NFIB: variants seen among roughly 807,000 people sequenced by gnomAD.
NFIB encodes nuclear factor 1 B-type.
In NFIB, 11 loss-of-function variants were observed where a neutral mutation model predicts 61.5. That is an observed-to-expected ratio of 0.18 (90% confidence interval 0.11 to 0.30). NFIB has a LOEUF of 0.30. Among genes scored for constraint, NFIB ranks in the 10% least tolerant of loss-of-function variants. The pLI is 1.00. For missense variants in NFIB, 471 were observed against 608.9 expected (o/e 0.77, Z 2.38); for synonymous variants, 260 against 216.5 (o/e 1.20, Z -1.76).
At chr9:14,352,820 T>C (rs2061129615) in intron 1 of NFIB, among the ~76,000 whole-genome samples, 1 of 152,264 alleles carries the variant, frequency 6.6e-6, no homozygotes, top group Non-Finnish European at 1.5e-5. Context: ...GGAAGGACCC[T>C]GTAGCCTTTC....
At chr9:14,291,923 T>C (rs1403379200) in intron 2 of NFIB, among the ~76,000 whole-genome samples, 3 of 152,276 alleles carry the variant, frequency 2.0e-5, no homozygotes, top group South Asian at 2.1e-4. Context: ...ATTTTGGTAT[T>C]AGTTGAGTGC....
chr9:14,486,340 C>A, the NFIB span, among the ~76,000 whole-genome samples: 1 of 152,098 alleles, frequency 6.6e-6, no homozygotes, highest in Non-Finnish European at 1.5e-5. Flanking sequence ...TAGTCCATGT[C>A]ATCAACGGAG....
chr9:14,170,665 T>A (rs537662218), intron 3 of NFIB, among the ~76,000 whole-genome samples: 23 of 152,060 alleles, frequency 1.5e-4, no homozygotes, highest in South Asian at 1.5e-3. Context: ...TTACATGAGA[T>A]ACTTGGGTAA....
Position 14,199,304 on chromosome 9 carries a change from C to G in NFIB, c.563-19524G>C, listed in dbSNP as rs202062825. Among the ~76,000 whole-genome samples the G allele has an allele frequency of 4.6e-5, 7 of 152,314 alleles. No individual in the cohort carries two copies. The East Asian group carries it at 1.3e-3, about 29-fold the overall frequency. ...AGGAAGCCGGGAGCTGGCCATGTGT[C>G]CTTGGCAGGCAGTAGTGCGGCAGGG... On this transcript the variant is annotated intron_variant, in intron 2 of 10. Coordinates refer to ENST00000380953, the MANE Select transcript of NFIB (RefSeq NM_001190737.2).
At chr9:14,468,275 G>A in the NFIB span, among the ~76,000 whole-genome samples, 1 of 152,178 alleles carries the variant, frequency 6.6e-6, no homozygotes, top group Non-Finnish European at 1.5e-5. Flanking sequence ...CAAACTTAAA[G>A]GTAACCAATG....
At chr9:14,300,142 G>C (rs750200270) in intron 2 of NFIB, 20 of 398,284 alleles carry the variant, frequency 5.0e-5, no homozygotes, top group Non-Finnish European at 8.9e-5. Context: ...CACAAAACTG[G>C]AGTTCAAGGT....
At chr9:14,370,952 G>A (rs1399565443) in intron 1 of NFIB, among the ~76,000 whole-genome samples, 3 of 152,118 alleles carry the variant, frequency 2.0e-5, no homozygotes, top group Admixed American at 1.3e-4. Flanking sequence ...AAAATTAGCC[G>A]GGCATGATGG....
At chr9:14,191,145 T>C (rs1384145970) in intron 2 of NFIB, among the ~76,000 whole-genome samples, 1 of 151,624 alleles carries the variant, frequency 6.6e-6, no homozygotes, top group East Asian at 1.9e-4. Context: ...CTGGCCAACA[T>C]GGTGAAACTC....
intron 3 of NFIB, among the ~76,000 whole-genome samples, chr9:14,162,572 G>C (rs1400766290): frequency 6.6e-6 from 1 of 151,884 alleles, no homozygotes; most frequent in Non-Finnish European, 1.5e-5. Context: ...TTTATACCAG[G>C]AGTATACACA....
Position 14,082,963 on chromosome 9 carries a change from A to G in NFIB, c.*5346T>C, listed in dbSNP as rs2032242686. On this transcript the variant is annotated 3_prime_UTR_variant, in exon 11 of 11. Transcript: ENST00000380953. ...GTTGTTCCTGGTACTGTATCATGCA[A>G]TAAGTCATCAAGGGCTTAGTCTAGT... is the stretch of plus-strand genomic sequence containing the variant. The G allele has an allele frequency of 4.9e-6, 1 of 205,750 alleles. No homozygotes were observed. The highest frequency in any genetic ancestry group is 1.9e-4 in the South Asian group (1 of 5,284). 12.7% of individuals were successfully genotyped at this position (205,750 alleles called of 1,614,324 possible). A position where few individuals can be genotyped will look rare whatever the true frequency, so the allele number is the denominator to read the frequency against.
At chr9:14,214,038 A>G (rs1013075158) in intron 2 of NFIB, among the ~76,000 whole-genome samples, 1 of 152,090 alleles carries the variant, frequency 6.6e-6, no homozygotes, top group African/African-American at 2.4e-5. Flanking sequence ...CTCGTTTCCA[A>G]TATTTCTAGC....
chr9:14,286,082 C>G (rs79038606), intron 2 of NFIB, among the ~76,000 whole-genome samples: 204 of 152,314 alleles, frequency 1.3e-3, no homozygotes, highest in African/African-American at 4.4e-3. Flanking sequence ...ACCAGACTGA[C>G]ATGTTCACTG....
At chr9:14,461,680 T>A in the NFIB span, among the ~76,000 whole-genome samples, 1 of 152,226 alleles carries the variant, frequency 6.6e-6, no homozygotes, top group Non-Finnish European at 1.5e-5. Flanking sequence ...GTAAGAATCC[T>A]GTGAAGTGGG....
the NFIB span, among the ~76,000 whole-genome samples, chr9:14,488,174 G>A: frequency 6.6e-6 from 1 of 152,030 alleles, no homozygotes; most frequent in African/African-American, 2.4e-5. Flanking sequence ...GACCAAATTG[G>A]GCAACATAAT....
intron 10 of NFIB, chr9:14,102,380 T>C: frequency 1.3e-6 from 2 of 1,484,720 alleles, no homozygotes; most frequent in Non-Finnish European, 1.8e-6. Flanking sequence ...CTCATGTAAT[T>C]TTTAGGTGTA....
chr9:14,379,483 C>A (rs886770730), intron 1 of NFIB, among the ~76,000 whole-genome samples: 65 of 152,214 alleles, frequency 4.3e-4, no homozygotes, highest in African/African-American at 1.4e-3. Flanking sequence ...TGAAAATTCC[C>A]CCACTTACTC....
Position 14,125,488 on chromosome 9 carries a change from A to C in NFIB, c.1060+144T>G, listed in dbSNP as rs1351401683. The C allele has an allele frequency of 8.5e-6, 10 of 1,177,898 alleles. No homozygotes were observed. The African/African-American group carries it at 1.4e-4, about 16-fold the overall frequency. 73.0% of individuals were successfully genotyped at this position (1,177,898 alleles called of 1,614,324 possible). On this transcript the variant is annotated intron_variant, in intron 7 of 10. Coordinates refer to ENST00000380953, the MANE Select transcript of NFIB (RefSeq NM_001190737.2). ...TTCTCATAAATTGAGAAGAAAAAAT[A>C]CTTGATCGGATTGTGCCCCTCACCA...
At chr9:14,386,429 CCAGGTCCT>C (rs1409032886) in intron 1 of NFIB, among the ~76,000 whole-genome samples, 1 of 152,182 alleles carries the variant, frequency 6.6e-6, no homozygotes, top group Non-Finnish European at 1.5e-5. Flanking sequence ...CCTTAGGACT[CCAGGTCCT>C]CAGGTGAGTG....
chr9:14,364,731 A>C (rs1385554464), intron 1 of NFIB, among the ~76,000 whole-genome samples: 2 of 152,232 alleles, frequency 1.3e-5, no homozygotes, highest in Non-Finnish European at 2.9e-5. Context: ...CCAGTCTTAA[A>C]GAGCACGTTT....
Sources: allele counts gnomAD v4.1 joint callset (sites outside exome capture counted in the v4.1 genomes callset), GRCh38; gene constraint gnomAD v4.1.1; transcripts MANE v1.5; gene names NCBI Gene and HGNC (gene_info 2026-07-23, HGNC 2026-07-21).